ROBO2: variants seen among roughly 807,000 people sequenced by gnomAD.
ROBO2 encodes roundabout guidance receptor 2.
Under a neutral mutation model 160.8 loss-of-function variants are expected in ROBO2, and 53 were observed. The ratio of observed to expected loss-of-function variants is 0.33; its 90% CI spans 0.26 to 0.41. ROBO2 has a LOEUF of 0.41. Among genes scored for constraint, ROBO2 ranks in the 10% least tolerant of loss-of-function variants. The pLI, the probability that ROBO2 is intolerant of heterozygous loss-of-function variation, is 1.00. For missense variants in ROBO2, 1,577 were observed against 1,722.4 expected (o/e 0.92, Z 1.49); for synonymous variants, 664 against 611.7 (o/e 1.09, Z -1.26).
intron 1 of ROBO2, among the ~76,000 whole-genome samples, chr3:77,054,940 G>GTA (rs2065587717): frequency 2.3e-5 from 2 of 85,228 alleles, no homozygotes; most frequent in Non-Finnish European, 3.5e-5. Flanking sequence ...GTGTGTGTGT[G>GTA]TGTGTGTGTG....
intron 2 of ROBO2, among the ~76,000 whole-genome samples, chr3:76,714,353 G>T (rs771519118): frequency 2.0e-5 from 3 of 152,082 alleles, no homozygotes; most frequent in Non-Finnish European, 4.4e-5. Flanking sequence ...CAGCTCAGGC[G>T]TGGACGGGTG....
intron 2 of ROBO2, among the ~76,000 whole-genome samples, chr3:76,704,870 G>A (rs2093127233): frequency 6.6e-6 from 1 of 151,810 alleles, no homozygotes; most frequent in Non-Finnish European, 1.5e-5. Context: ...GCCTTATAAT[G>A]AAGGTGTTTT....
chr3:77,042,712 T>C lies in ROBO2; in HGVS notation c.61+1866T>C, dbSNP rs539777879. Among the ~76,000 whole-genome samples, 13 of 152,152 alleles carry C rather than the reference T, an allele frequency of 8.5e-5. No individual in the cohort carries two copies. In the South Asian group the frequency reaches 2.5e-3, roughly 29 times the overall value. The stretch of plus-strand genomic sequence containing the variant: ...CTCCCTCCTTTCATTCCTCCCTCCC[T>C]TCTTTCTCTCCGTTTTATTCCTCTC... On this transcript the variant is annotated intron_variant, in intron 1 of 25. Transcript: ENST00000461745.
intron 2 of ROBO2, among the ~76,000 whole-genome samples, chr3:77,004,455 A>C (rs971971515): frequency 2.0e-5 from 3 of 152,080 alleles, no homozygotes; most frequent in Non-Finnish European, 4.4e-5. Flanking sequence ...AGCCATGCCT[A>C]CTCCCACATT....
At chr3:76,220,006 G>C (rs368666260) in intron 2 of ROBO2, among the ~76,000 whole-genome samples, 1 of 151,944 alleles carries the variant, frequency 6.6e-6, no homozygotes, top group African/African-American at 2.4e-5. Context: ...CATAAAAAAT[G>C]GTGAGTTCAT....
intron 2 of ROBO2, among the ~76,000 whole-genome samples, chr3:76,189,502 A>G (rs1047466117): frequency 2.6e-5 from 4 of 152,196 alleles, no homozygotes; most frequent in African/African-American, 7.2e-5. Flanking sequence ...TTTTTCAAAC[A>G]TATGTTCCCT....
chr3:77,510,003 T>C (rs914427730), intron 5 of ROBO2, among the ~76,000 whole-genome samples: 6 of 151,976 alleles, frequency 3.9e-5, no homozygotes, highest in Non-Finnish European at 8.8e-5. Context: ...GCTCAGCATA[T>C]GCAGGGATGC....
chr3:76,384,056 A>T (rs1431698768), intron 2 of ROBO2, among the ~76,000 whole-genome samples: 2 of 152,212 alleles, frequency 1.3e-5, no homozygotes, highest in African/African-American at 4.8e-5. Flanking sequence ...AGAATGGATT[A>T]TTTGTGTACA....
At chr3:77,500,786 C>T (rs1441179553) in intron 5 of ROBO2, among the ~76,000 whole-genome samples, 7 of 152,146 alleles carry the variant, frequency 4.6e-5, no homozygotes, top group East Asian at 1.9e-4. Context: ...TTGCCACCTA[C>T]GGTGGGGAGT....
chr3:76,031,825 T>G (rs1327624695), intron 2 of ROBO2, among the ~76,000 whole-genome samples: 1 of 151,208 alleles, frequency 6.6e-6, no homozygotes, highest in Non-Finnish European at 1.5e-5. Flanking sequence ...TAAAATTCTC[T>G]TTTTTTTTAT....
intron 2 of ROBO2, among the ~76,000 whole-genome samples, chr3:76,740,006 T>G (rs17014622): frequency 6.6e-6 from 1 of 152,162 alleles, no homozygotes; most frequent in Non-Finnish European, 1.5e-5. Context: ...AAAAATGGCG[T>G]TTTTGAACAT....
chr3:76,051,226 G>C lies in ROBO2; in HGVS notation c.109+113624G>C, dbSNP rs537634316. Among the ~76,000 whole-genome samples the C allele has an allele frequency of 1.5e-4, 22 of 150,566 alleles. No individual in the cohort carries two copies. In the South Asian group the frequency reaches 4.5e-3, roughly 31 times the overall value. ...TGAAACTCTAAAATACATTTTCTTC[G>C]TGTCTGTTTTCTATATTTTAAAAAT... On this transcript the variant is annotated intron_variant, in intron 2 of 26. Transcript: ENST00000487694.
At chr3:76,872,773 A>G (rs1050761671) in intron 2 of ROBO2, among the ~76,000 whole-genome samples, 12 of 151,928 alleles carry the variant, frequency 7.9e-5, no homozygotes, top group African/African-American at 2.9e-4. Flanking sequence ...TATAAAATAA[A>G]TATATTTATT....
chr3:77,330,129 A>G (rs778510598), intron 2 of ROBO2, among the ~76,000 whole-genome samples: 2 of 152,120 alleles, frequency 1.3e-5, no homozygotes, highest in African/African-American at 4.8e-5. Context: ...ATTTGTCCTG[A>G]TTTGGTGTCC....
At chr3:76,906,191 A>G (rs1255619226) in intron 2 of ROBO2, among the ~76,000 whole-genome samples, 2 of 152,074 alleles carry the variant, frequency 1.3e-5, no homozygotes, top group Non-Finnish European at 2.9e-5. Context: ...AATTATTATT[A>G]CTTAACACCA....
chr3:76,441,682 C>A (rs2076932825), intron 2 of ROBO2, among the ~76,000 whole-genome samples: 1 of 152,086 alleles, frequency 6.6e-6, no homozygotes, highest in Admixed American at 6.6e-5. Flanking sequence ...GCAAGGGAGT[C>A]CATTTGTATT....
intron 21 of ROBO2, among the ~76,000 whole-genome samples, chr3:77,613,520 T>C (rs913177891): frequency 1.3e-5 from 2 of 152,176 alleles, no homozygotes; most frequent in Non-Finnish European, 2.9e-5. Context: ...ACATTTCATA[T>C]TGAAAATAGA....
At chr3:76,834,995 C>T (rs902394230) in intron 2 of ROBO2, among the ~76,000 whole-genome samples, 2 of 152,068 alleles carry the variant, frequency 1.3e-5, no homozygotes, top group Non-Finnish European at 2.9e-5. Context: ...CATGATGTTA[C>T]ACAAGCAAAA....
chr3:76,171,502 G>C (rs2073038911), intron 2 of ROBO2, among the ~76,000 whole-genome samples: 1 of 152,008 alleles, frequency 6.6e-6, no homozygotes, highest in Non-Finnish European at 1.5e-5. Flanking sequence ...GGCCAAACCA[G>C]GAACTTTATA....
Sources: allele counts gnomAD v4.1 joint callset (sites outside exome capture counted in the v4.1 genomes callset), GRCh38; gene constraint gnomAD v4.1.1; transcripts MANE v1.5; gene names NCBI Gene and HGNC (gene_info 2026-07-23, HGNC 2026-07-21).